CYRIB: variants seen among roughly 807,000 people sequenced by gnomAD.
CYRIB encodes the protein CYFIP-related Rac1 interactor B.
A neutral mutation model predicts 44.2 loss-of-function variants in CYRIB; 8 were observed. That is an observed-to-expected ratio of 0.18 (90% CI 0.11 to 0.33). The LOEUF (loss-of-function observed/expected upper bound fraction) is 0.33. Ranked by LOEUF, CYRIB falls within the 10% of genes least tolerant of loss-of-function variation. The pLI is 1.00. For missense variants in CYRIB, 185 were observed against 382.8 expected, an observed-to-expected ratio of 0.48 and a Z score of 4.31; for synonymous variants, 131 against 127.2, an observed-to-expected ratio of 1.03 and a Z score of -0.20.
intron 1 of CYRIB, among the ~76,000 whole-genome samples, chr8:129,928,742 A>C (rs1454638018): frequency 1.3e-5 from 2 of 152,174 alleles, no homozygotes; most frequent in Non-Finnish European, 2.9e-5. Context: ...AGGGAAACTC[A>C]AACCACAATG....
intron 3 of CYRIB, among the ~76,000 whole-genome samples, chr8:129,877,892 A>G (rs1481548141): frequency 6.6e-6 from 1 of 152,134 alleles, no homozygotes; most frequent in African/African-American, 2.4e-5. Context: ...TGAGACAAAG[A>G]GGAAAAGGGA....
At chr8:129,927,008 T>G (rs1438216517) in intron 1 of CYRIB, among the ~76,000 whole-genome samples, 1 of 152,158 alleles carries the variant, frequency 6.6e-6, no homozygotes, top group African/African-American at 2.4e-5. Context: ...TAGAGTCAAG[T>G]GGAGTGGCTC....
At chr8:129,932,941 T>C (rs1467831382) in intron 1 of CYRIB, among the ~76,000 whole-genome samples, 1 of 152,072 alleles carries the variant, frequency 6.6e-6, no homozygotes, top group East Asian at 1.9e-4. Flanking sequence ...GAAGTGAGGC[T>C]GAAATTAGCC....
intron 1 of CYRIB, among the ~76,000 whole-genome samples, chr8:129,916,618 C>A (rs2080910775): frequency 6.6e-6 from 1 of 152,180 alleles, no homozygotes; most frequent in Admixed American, 6.5e-5. Flanking sequence ...TAAAAAGATT[C>A]TTATCCTTAA....
At chr8:130,015,600 G>A (rs1319954857) in intron 1 of CYRIB, among the ~76,000 whole-genome samples, 5 of 152,100 alleles carry the variant, frequency 3.3e-5, no homozygotes, top group Non-Finnish European at 7.4e-5. Context: ...CACACTCCAA[G>A]TAGCTCCAGC....
chr8:129,892,476 A>ATT (rs879669611), intron 2 of CYRIB, among the ~76,000 whole-genome samples: 2 of 147,868 alleles, frequency 1.4e-5, no homozygotes, highest in Non-Finnish European at 1.5e-5. Context: ...AATTGTCAGA[A>ATT]TTTTTTTTTT....
chr8:129,904,730 T>TA (rs1224356496), intron 1 of CYRIB, 145 bp from the exon 3 acceptor site: 3 of 152,230 alleles, frequency 2.0e-5, no homozygotes, highest in African/African-American at 7.2e-5. Context: ...GCACACCCCA[T>TA]ATTCCACCCA....
intron 1 of CYRIB, among the ~76,000 whole-genome samples, chr8:129,972,898 A>C (rs1057240413): frequency 6.6e-6 from 1 of 152,346 alleles, no homozygotes; most frequent in East Asian, 1.9e-4. Context: ...AGCCTGGACT[A>C]CAGCTCTAGA....
At chr8:129,930,858 G>A (rs528459315) in intron 1 of CYRIB, among the ~76,000 whole-genome samples, 20 of 152,114 alleles carry the variant, frequency 1.3e-4, no homozygotes, top group Non-Finnish European at 2.4e-4. Flanking sequence ...ACAGCAAGAA[G>A]ACTGTTTTAA....
At chr8:129,841,366 T>A (rs1412961940) in exon 12 of CYRIB, 1 of 152,324 alleles carries the variant, frequency 6.6e-6, no homozygotes, top group East Asian at 1.9e-4. Context: ...GGCTCTCCCC[T>A]AAAAGAAGAA....
chr8:129,840,205 G>T, exon 12 of CYRIB: 1 of 156,358 alleles, frequency 6.4e-6, no homozygotes. Flanking sequence ...CTGAAATCAA[G>T]ATATTGGTAG....
intron 4 of CYRIB, among the ~76,000 whole-genome samples, chr8:129,869,572 A>G (rs896396903): frequency 6.6e-6 from 1 of 152,138 alleles, no homozygotes; most frequent in South Asian, 2.1e-4. Context: ...AGATCCTACT[A>G]AATCATTTAA....
At chr8:129,868,499 C>G (rs1008611716) in intron 4 of CYRIB, 3 of 152,024 alleles carry the variant, frequency 2.0e-5, no homozygotes, top group African/African-American at 4.8e-5. Context: ...TCTATGTAAA[C>G]TTTCTCTTTT....
chr8:129,874,387 C>T lies in CYRIB; in HGVS notation c.74-2891G>A, dbSNP rs186159648. Among the ~76,000 whole-genome samples, 329 of 151,838 alleles carry T rather than the reference C, an allele frequency of 2.2e-3. 2 individuals carry two copies. Among genetic ancestry groups the T allele is most frequent in the African/African-American group, 7.6e-3 (313 of 41,448 alleles). ...GGTAGAAAAAGAGTCAATATAACTG[C>T]TAAAATTGAAGTCGTTGTAATATAA... On this transcript the variant is annotated intron_variant, in intron 3 of 11. Coordinates refer to ENST00000519824, the Ensembl canonical transcript of CYRIB.
At chr8:129,990,479 T>G (rs2096602020) in intron 1 of CYRIB, among the ~76,000 whole-genome samples, 1 of 147,612 alleles carries the variant, frequency 6.8e-6, no homozygotes, top group African/African-American at 2.6e-5. Flanking sequence ...TGTGTGTGCA[T>G]GCATGTGTGT....
At chr8:129,968,623 G>A (rs963797654) in intron 2 of CYRIB, among the ~76,000 whole-genome samples, 8 of 152,144 alleles carry the variant, frequency 5.3e-5, no homozygotes, top group African/African-American at 1.4e-4. Flanking sequence ...CTTTGCGTTC[G>A]CAGTAGAGGT....
intron 1 of CYRIB, among the ~76,000 whole-genome samples, chr8:129,917,356 C>T (rs984883642): frequency 1.3e-5 from 2 of 152,176 alleles, no homozygotes; most frequent in Non-Finnish European, 2.9e-5. Flanking sequence ...AGGACTCCTA[C>T]TATAGCCTAT....
chr8:129,908,703 A>G (rs1246060964), intron 1 of CYRIB, among the ~76,000 whole-genome samples: 1 of 152,168 alleles, frequency 6.6e-6, no homozygotes, highest in Admixed American at 6.5e-5. Flanking sequence ...GTCTAACAGC[A>G]CCAGAACTCA....
exon 12 of CYRIB, chr8:129,840,802 C>G (rs2035956571): frequency 6.6e-6 from 1 of 152,184 alleles, no homozygotes; most frequent in African/African-American, 2.4e-5. Flanking sequence ...ATCAGGAGGG[C>G]CAGAGAGATC....
Sources: gnomAD v4.1 joint callset for allele counts (sites outside exome capture counted in the v4.1 genomes callset) on GRCh38, gnomAD v4.1.1 for gene constraint, MANE v1.5 for transcripts, NCBI Gene and HGNC (gene_info 2026-07-23, HGNC 2026-07-21) for gene names.